Variants in SEMA3A observed in about 807,000 individuals in gnomAD.
The protein encoded by SEMA3A is semaphorin 3A.
Under a neutral mutation model 97.9 loss-of-function variants are expected in SEMA3A, and 29 were observed. The ratio of observed to expected loss-of-function variants is 0.30; its 90% CI spans 0.22 to 0.40. The LOEUF (loss-of-function observed/expected upper bound fraction) is 0.40, where lower values mean the gene tolerates loss of function less well. SEMA3A is among the 10% of genes least tolerant of loss of function. The pLI is 1.00. For missense variants in SEMA3A, 763 were observed against 951.3 expected (o/e 0.80, Z 2.60); for synonymous variants, 321 against 323.7 (o/e 0.99, Z 0.09).
intron 4 of SEMA3A, among the ~76,000 whole-genome samples, chr7:84,101,280 G>A (rs886906868): frequency 3.9e-5 from 2 of 51,196 alleles, no homozygotes; most frequent in East Asian, 7.4e-4. Context: ...ATAACAAGAG[G>A]GGGTTCCATA....
chr7:84,161,147 C>T (rs1055240354), intron 1 of SEMA3A, among the ~76,000 whole-genome samples: 1 of 151,964 alleles, frequency 6.6e-6, no homozygotes, highest in African/African-American at 2.4e-5. Flanking sequence ...GGGCTGATCA[C>T]GAGGTCAGGA....
intron 4 of SEMA3A, among the ~76,000 whole-genome samples, chr7:84,084,971 G>A (rs1335202442): frequency 6.6e-6 from 1 of 151,958 alleles, no homozygotes; most frequent in East Asian, 1.9e-4. Context: ...TTACTAAAGA[G>A]CCACAACAAT....
chr7:84,471,914 T>C (rs1007311116), intron 1 of SEMA3A, among the ~76,000 whole-genome samples: 2 of 151,922 alleles, frequency 1.3e-5, no homozygotes, highest in African/African-American at 4.8e-5. Context: ...CTTCAAATCA[T>C]CTGACTTTCA....
intron 3 of SEMA3A, among the ~76,000 whole-genome samples, chr7:84,278,502 A>T (rs1187498103): frequency 6.6e-6 from 1 of 152,012 alleles, no homozygotes; most frequent in Non-Finnish European, 1.5e-5. Context: ...GACCTTTCTT[A>T]TTGCTATAAA....
intron 6 of SEMA3A, among the ~76,000 whole-genome samples, chr7:84,025,818 A>G (rs1362237763): frequency 6.6e-6 from 1 of 152,222 alleles, no homozygotes; most frequent in East Asian, 1.9e-4. Context: ...ATTAAGACCC[A>G]GCGAATGTTC....
chr7:83,980,621 A>ATATATATAT (rs1179670067), intron 14 of SEMA3A, among the ~76,000 whole-genome samples: 2 of 80,666 alleles, frequency 2.5e-5, no homozygotes, highest in African/African-American at 1.3e-4. Flanking sequence ...AAAAAAAAAA[A>ATATATATAT]AAATATATAT....
intron 1 of SEMA3A, among the ~76,000 whole-genome samples, chr7:84,484,021 G>A (rs1806510703): frequency 6.6e-6 from 1 of 150,632 alleles, no homozygotes; most frequent in Non-Finnish European, 1.5e-5. Context: ...TCCAGCTTGG[G>A]CAACAAGAGT....
At chr7:84,218,610 G>GCT (rs1481806560) in intron 3 of SEMA3A, among the ~76,000 whole-genome samples, 6 of 151,984 alleles carry the variant, frequency 3.9e-5, no homozygotes, top group African/African-American at 1.2e-4. Context: ...TTGAATTTTT[G>GCT]CTATTCAGTT....
At chr7:84,200,820 G>A (rs1798337293) in intron 3 of SEMA3A, among the ~76,000 whole-genome samples, 1 of 145,112 alleles carries the variant, frequency 6.9e-6, no homozygotes, top group Non-Finnish European at 1.5e-5. Context: ...TTTTAAGTGA[G>A]AGTCTCCACC....
intron 3 of SEMA3A, among the ~76,000 whole-genome samples, chr7:84,202,904 T>C (rs911668599): frequency 6.6e-6 from 1 of 152,172 alleles, no homozygotes; most frequent in Non-Finnish European, 1.5e-5. Context: ...TTTGGCATAA[T>C]GTGCTTAATT....
intron 15 of SEMA3A, among the ~76,000 whole-genome samples, chr7:83,968,646 C>A (rs1788801687): frequency 6.6e-6 from 1 of 152,180 alleles, no homozygotes; most frequent in South Asian, 2.1e-4. Flanking sequence ...AGTCTTCTTG[C>A]TCTATGTGTG....
At chr7:84,457,420 A>T (rs1343908551) in intron 1 of SEMA3A, among the ~76,000 whole-genome samples, 1 of 151,924 alleles carries the variant, frequency 6.6e-6, no homozygotes, top group Non-Finnish European at 1.5e-5. Context: ...GAAAGATTTG[A>T]TATTTAGAAG....
In SEMA3A at chr7:84,121,934, C is replaced by T. The variant is rs1427565190; in HGVS notation, c.333+7189G>A. The stretch of plus-strand genomic sequence containing the variant: ...GATTACAGGCGTGAGCCACCGCGCC[C>T]GGCCGGTTCCAAGTCTTTGATATTG... On this transcript the variant is annotated intron_variant, in intron 3 of 16. Coordinates refer to ENST00000265362, the MANE Select transcript of SEMA3A (RefSeq NM_006080.3). Among the ~76,000 whole-genome samples, 8 of 15,106 alleles carry T rather than the reference C, an allele frequency of 5.3e-4. 4 individuals are homozygous for T. The highest frequency in any genetic ancestry group is 8.1e-4 in the Non-Finnish European group (6 of 7,426). 9.9% of individuals were successfully genotyped at this position (15,106 alleles called of 152,430 possible).
intron 1 of SEMA3A, among the ~76,000 whole-genome samples, chr7:84,479,312 C>T (rs1190768937): frequency 6.6e-6 from 1 of 152,134 alleles, no homozygotes; most frequent in Admixed American, 6.6e-5. Flanking sequence ...GTCTTTATGT[C>T]TATCAATCAG....
intron 12 of SEMA3A, among the ~76,000 whole-genome samples, chr7:83,987,709 T>C (rs1398793345): frequency 1.3e-5 from 2 of 152,232 alleles, no homozygotes; most frequent in East Asian, 1.9e-4. Context: ...CTTTCTCTCC[T>C]CTCTTCAACT....
intron 3 of SEMA3A, among the ~76,000 whole-genome samples, chr7:84,293,704 T>C (rs146965215): frequency 1.3e-5 from 2 of 152,118 alleles, no homozygotes; most frequent in African/African-American, 4.8e-5. Context: ...ATGTTTTTGT[T>C]ACAATTAATA....
intron 1 of SEMA3A, among the ~76,000 whole-genome samples, chr7:84,192,391 A>G (rs1798075414): frequency 6.6e-6 from 1 of 151,892 alleles, no homozygotes; most frequent in African/African-American, 2.4e-5. Flanking sequence ...CCTGTTGTTC[A>G]TTTCACAGTT....
intron 1 of SEMA3A, among the ~76,000 whole-genome samples, chr7:84,452,430 T>C (rs1263260050): frequency 6.6e-6 from 1 of 152,074 alleles, no homozygotes; most frequent in Non-Finnish European, 1.5e-5. Context: ...GCAAAACAGA[T>C]AGGTATCATA....
At chr7:84,260,668 C>T (rs1181491453) in intron 3 of SEMA3A, among the ~76,000 whole-genome samples, 3 of 150,498 alleles carry the variant, frequency 2.0e-5, no homozygotes, top group South Asian at 4.2e-4. Context: ...GACATGCTAG[C>T]CCCTGCTGCC....
Sources: allele counts gnomAD v4.1 joint callset (sites outside exome capture counted in the v4.1 genomes callset), GRCh38; gene constraint gnomAD v4.1.1; transcripts MANE v1.5; gene names NCBI Gene and HGNC (gene_info 2026-07-23, HGNC 2026-07-21).